The following RSPH14 variants were observed in gnomAD, a reference collection of about 807,000 sequenced individuals.
RSPH14 encodes the protein radial spoke head 14 homolog, also known as rhabdoid tumor deletion region gene 1.
RSPH14 carries 20 observed loss-of-function variants against 26.7 expected under a neutral mutation model. The ratio of observed to expected loss-of-function variants is 0.75; its 90% CI spans 0.53 to 1.09. The LOEUF is 1.09. Among genes scored for constraint, RSPH14 ranks in the 50% least tolerant of loss-of-function variants. The pLI, the probability that RSPH14 is intolerant of heterozygous loss-of-function variation, is 0.00. For synonymous variants in RSPH14, 177 were observed against 189.3 expected, an observed-to-expected ratio of 0.93 and a Z score of 0.53; for missense variants, 449 against 457.2, an observed-to-expected ratio of 0.98 and a Z score of 0.16.
intron 1 of RSPH14, among the ~76,000 whole-genome samples, chr22:23,140,793 CTG>C (rs1341466766): frequency 2.6e-5 from 4 of 152,210 alleles, no homozygotes; most frequent in Non-Finnish European, 4.4e-5. Context: ...GTTGGTCACT[CTG>C]TTTAGTGCTT....
At chr22:23,125,445 C>G (rs1277935409) in intron 4 of RSPH14, among the ~76,000 whole-genome samples, 1 of 152,122 alleles carries the variant, frequency 6.6e-6, no homozygotes, top group Non-Finnish European at 1.5e-5. Context: ...TCCTGTGCCC[C>G]CAGTAGTGTA....
At chr22:23,128,619 CT>C (rs2070239648) in intron 4 of RSPH14, among the ~76,000 whole-genome samples, 1 of 152,184 alleles carries the variant, frequency 6.6e-6, no homozygotes, top group Non-Finnish European at 1.5e-5. Flanking sequence ...CTCCTGGTTA[CT>C]CTGGGAAATC....
chr22:23,116,891 AG>A (rs2069855114), intron 4 of RSPH14, among the ~76,000 whole-genome samples: 1 of 152,144 alleles, frequency 6.6e-6, no homozygotes, highest in South Asian at 2.1e-4. Context: ...CGCACCTGGG[AG>A]GGGGACAGGC....
At chr22:23,087,555 A>C (rs2068852912) in intron 4 of RSPH14, among the ~76,000 whole-genome samples, 1 of 152,228 alleles carries the variant, frequency 6.6e-6, no homozygotes, top group Non-Finnish European at 1.5e-5. Flanking sequence ...GAGAAAGAGT[A>C]ATTCATGAAG....
At chr22:23,163,606 G>GACCCCCCCC in the RSPH14 span, 1 of 125,232 alleles carries the variant, frequency 8.0e-6, no homozygotes, top group Non-Finnish European at 1.8e-5. Flanking sequence ...CAAGGTGAAA[G>GACCCCCCCC]CCCCCCCCCC....
the RSPH14 span, chr22:23,150,238 A>T: frequency 9.1e-7 from 1 of 1,103,216 alleles, no homozygotes; most frequent in Non-Finnish European, 1.3e-6. Flanking sequence ...AACAAATGAA[A>T]CACACACACG....
At chr22:23,077,357 G>T (rs1182436729) in intron 4 of RSPH14, among the ~76,000 whole-genome samples, 2 of 152,118 alleles carry the variant, frequency 1.3e-5, no homozygotes, top group Admixed American at 1.3e-4. Context: ...TGACCTCAGG[G>T]TCCAACCCCA....
At chr22:23,141,619 G>A (rs887903267) in intron 1 of RSPH14, among the ~76,000 whole-genome samples, 39 of 152,228 alleles carry the variant, frequency 2.6e-4, no homozygotes, top group Non-Finnish European at 5.9e-5. Flanking sequence ...TTATTATCAT[G>A]GTTAGTAGAA....
the RSPH14 span, among the ~76,000 whole-genome samples, chr22:23,172,842 C>T: frequency 2.8e-5 from 4 of 143,294 alleles, no homozygotes; most frequent in African/African-American, 1.0e-4. Context: ...CCCAGCTACT[C>T]GGGAGGCTGA....
At chr22:23,179,975 A>G in the RSPH14 span, 12 of 320,328 alleles carry the variant, frequency 3.7e-5, no homozygotes, top group Non-Finnish European at 5.2e-5. Context: ...CTGGTCTTGC[A>G]GATGCCCACG....
chr22:23,149,237 AC>A (rs1320380718), upstream of RSPH14, among the ~76,000 whole-genome samples: 1 of 152,200 alleles, frequency 6.6e-6, no homozygotes, highest in African/African-American at 2.4e-5. Context: ...TACACAGATC[AC>A]ACCAACAGCC....
the RSPH14 span, among the ~76,000 whole-genome samples, chr22:23,166,704 C>T: frequency 1.3e-5 from 2 of 152,156 alleles, no homozygotes; most frequent in African/African-American, 4.8e-5. Context: ...TCTCACAGTG[C>T]AGCCTCACAC....
At chr22:23,083,359 C>T (rs1338342371) in intron 4 of RSPH14, among the ~76,000 whole-genome samples, 1 of 152,060 alleles carries the variant, frequency 6.6e-6, no homozygotes, top group African/African-American at 2.4e-5. Flanking sequence ...GGGTCAGCAG[C>T]GACCTCAGGT....
the RSPH14 span, among the ~76,000 whole-genome samples, chr22:23,178,346 G>A: frequency 2.0e-5 from 3 of 151,666 alleles, no homozygotes; most frequent in Non-Finnish European, 4.4e-5. Context: ...AACCCAGGAG[G>A]CAGAGGTTGC....
the RSPH14 span, among the ~76,000 whole-genome samples, chr22:23,167,670 G>T: frequency 1.3e-5 from 2 of 152,112 alleles, no homozygotes; most frequent in Non-Finnish European, 2.9e-5. Flanking sequence ...CGGTTAAATT[G>T]ACACGTTCAC....
At chr22:23,150,309 T>G in the RSPH14 span, among the ~76,000 whole-genome samples, 1 of 149,632 alleles carries the variant, frequency 6.7e-6, no homozygotes, top group Non-Finnish European at 1.5e-5. Context: ...TTTTTCTTTT[T>G]TTTTTTTTTT....
intron 4 of RSPH14, among the ~76,000 whole-genome samples, chr22:23,067,990 G>A (rs1022494820): frequency 1.3e-5 from 2 of 152,152 alleles, no homozygotes; most frequent in African/African-American, 4.8e-5. Context: ...CTGTAAACAG[G>A]CAATTAAAAA....
upstream of RSPH14, among the ~76,000 whole-genome samples, chr22:23,148,597 C>T (rs975972463): frequency 1.3e-5 from 2 of 152,194 alleles, no homozygotes; most frequent in African/African-American, 4.8e-5. Context: ...GGGATCAAGG[C>T]CACTGCTGGT....
Position 23,140,394 on chromosome 22 carries a change from C to T in RSPH14, c.27G>A (p.Glu9=), listed in dbSNP as rs767496364. The T allele has an allele frequency of 3.2e-5, 52 of 1,614,080 alleles. No individual in the cohort carries two copies. Among genetic ancestry groups the T allele is most frequent in the Non-Finnish European group, 4.1e-5 (48 of 1,180,036 alleles). MAHSQNSL[E]LPININATQI... ...GGGTGGCATTGATGTTAATGGGAAGCTCCAAGGAGTTCTGGGAATGGGCCA... is the reference window on the plus strand; with the variant it reads ...GGGTGGCATTGATGTTAATGGGAAGTTCCAAGGAGTTCTGGGAATGGGCCA... Residue 9 remains glutamate, a synonymous_variant, in exon 2 of 7, where the codon GAG becomes GAA. Coordinates refer to ENST00000216036, the MANE Select transcript of RSPH14 (RefSeq NM_014433.3).
Sources: gnomAD v4.1 joint callset for allele counts (sites outside exome capture counted in the v4.1 genomes callset) on GRCh38, gnomAD v4.1.1 for gene constraint, MANE v1.5 for transcripts, NCBI Gene and HGNC (gene_info 2026-07-23, HGNC 2026-07-21) for gene names.